Variants in ACSF3 observed in about 807,000 individuals in gnomAD.
ACSF3 encodes malonate--CoA ligase ACSF3, mitochondrial.
In ACSF3, 78 loss-of-function variants were observed where a neutral mutation model predicts 53.2. The ratio of observed to expected loss-of-function variants is 1.47; its 90% confidence interval spans 1.22 to 1.77. ACSF3 has a LOEUF of 1.77. Ranked by LOEUF, ACSF3 falls within the 40% of genes most tolerant of loss-of-function variation. ACSF3 has a pLI of 0.00. For synonymous variants in ACSF3, 414 were observed against 333.1 expected (o/e 1.24, Z -2.65); for missense variants, 937 against 771.1 (o/e 1.22, Z -2.55).
intron 10 of ACSF3, chr16:89,150,159 T>C (rs1365244806): frequency 6.6e-6 from 1 of 152,380 alleles, no homozygotes; most frequent in East Asian, 1.9e-4. Context: ...GTCTCTGTTC[T>C]GTTCCCTCTC....
At chr16:89,126,694 G>A (rs1393633154) in intron 7 of ACSF3, among the ~76,000 whole-genome samples, 2 of 152,204 alleles carry the variant, frequency 1.3e-5, no homozygotes, top group Non-Finnish European at 2.9e-5. Context: ...CTAGTTTTAG[G>A]AGATTTTAAT....
At chr16:89,144,816 A>C (rs535717723) in intron 8 of ACSF3, among the ~76,000 whole-genome samples, 10 of 152,310 alleles carry the variant, frequency 6.6e-5, no homozygotes, top group African/African-American at 2.4e-4. Flanking sequence ...GTTGCTCAGA[A>C]AAGGCCACGC....
rs1171418321 is a variant in ACSF3 at position 89,154,573 on chromosome 16, C to T, written c.*366C>T. The T allele has an allele frequency of 6.9e-6, 3 of 433,380 alleles. No individual in the cohort carries two copies. Among genetic ancestry groups the T allele is most frequent in the African/African-American group, 2.3e-5 (1 of 42,580 alleles). 26.8% of individuals were successfully genotyped at this position (433,380 alleles called of 1,614,324 possible). ...AGGTTTCCCACAAAAAACAAAGACT[C>T]CACTGGAGGAAACAAGCCCCTGTCC... On this transcript the variant is annotated 3_prime_UTR_variant, in exon 11 of 11. Coordinates refer to ENST00000614302, the MANE Select transcript of ACSF3 (RefSeq NM_001243279.3).
intron 6 of ACSF3, among the ~76,000 whole-genome samples, chr16:89,119,730 A>G (rs11860237): frequency 0.75 from 114,509 of 151,992 alleles, 43,619 homozygotes; most frequent in Non-Finnish European, 0.8. Context: ...CGCACACCAC[A>G]CTAGCCCGGC....
intron 1 of ACSF3, among the ~76,000 whole-genome samples, chr16:89,096,103 T>C (rs1205910140): frequency 6.6e-6 from 1 of 152,112 alleles, no homozygotes; most frequent in Non-Finnish European, 1.5e-5. Context: ...GTGGTTCCAG[T>C]ACGCCTTCAC....
chr16:89,152,931 T>C (rs1218369606), intron 10 of ACSF3: 1 of 151,882 alleles, frequency 6.6e-6, no homozygotes, highest in African/African-American at 2.4e-5. Flanking sequence ...GAGGTCGAGG[T>C]TGACAGCGAC....
intron 7 of ACSF3, among the ~76,000 whole-genome samples, chr16:89,132,364 A>G (rs1281135955): frequency 6.6e-6 from 1 of 152,150 alleles, no homozygotes; most frequent in African/African-American, 2.4e-5. Flanking sequence ...CTCCTGACCT[A>G]TGAGCCGAGG....
intron 7 of ACSF3, among the ~76,000 whole-genome samples, chr16:89,125,698 A>AAGAGAGAG (rs56085364): frequency 0.33 from 49,302 of 147,690 alleles, 8,773 homozygotes; most frequent in Middle Eastern, 0.45. Flanking sequence ...CAAAAAAAAA[A>AAGAGAGAG]AGAGAGAGAG....
intron 7 of ACSF3, among the ~76,000 whole-genome samples, chr16:89,124,947 A>C (rs4782326): frequency 1.4e-4 from 21 of 152,138 alleles, no homozygotes; most frequent in Non-Finnish European, 1.2e-4. Flanking sequence ...ACACCACATT[A>C]TCTTGACTGT....
intron 4 of ACSF3, among the ~76,000 whole-genome samples, chr16:89,104,167 C>G (rs952574973): frequency 6.6e-6 from 1 of 152,234 alleles, no homozygotes; most frequent in South Asian, 2.1e-4. Context: ...GCAGAGCCCT[C>G]CGGTGAGGCC....
intron 7 of ACSF3, among the ~76,000 whole-genome samples, chr16:89,124,230 C>A (rs946405685): frequency 1.3e-5 from 2 of 152,168 alleles, no homozygotes; most frequent in African/African-American, 4.8e-5. Flanking sequence ...ATGGAAACCC[C>A]AGAAGTCAAT....
chr16:89,124,445 T>TA (rs1567716915), intron 7 of ACSF3, among the ~76,000 whole-genome samples: 1 of 150,958 alleles, frequency 6.6e-6, no homozygotes, highest in Admixed American at 6.6e-5. Flanking sequence ...ATGTGTGTGA[T>TA]ACCCGTGCGT....
At chr16:89,139,032 C>G (rs1374846560) in intron 8 of ACSF3, among the ~76,000 whole-genome samples, 1 of 152,230 alleles carries the variant, frequency 6.6e-6, no homozygotes, top group Non-Finnish European at 1.5e-5. Context: ...CTCCAGGCTC[C>G]TTTTTGCTGC....
intron 6 of ACSF3, chr16:89,114,843 G>A (rs1416516679): frequency 2.7e-6 from 1 of 370,742 alleles, no homozygotes; most frequent in African/African-American, 2.1e-5. Context: ...ATCAGCAGTG[G>A]TGGCAGCCTC....
At chr16:89,132,873 G>A (rs1029463828) in intron 7 of ACSF3, among the ~76,000 whole-genome samples, 4 of 152,276 alleles carry the variant, frequency 2.6e-5, no homozygotes, top group African/African-American at 7.2e-5. Flanking sequence ...TTCTGTGGCT[G>A]TTCTGGGAGG....
intron 7 of ACSF3, among the ~76,000 whole-genome samples, chr16:89,125,698 AAG>A (rs56085364): frequency 1.5e-4 from 22 of 147,972 alleles, no homozygotes; most frequent in Middle Eastern, 3.5e-3. Flanking sequence ...CAAAAAAAAA[AAG>A]AGAGAGAGAG....
rs774653104 is a variant in ACSF3 at position 89,136,658 on chromosome 16, C to T, written c.1366+3396C>T. ...AGGCCGGCCTGCAGCTCCCCAACGGCCTCCTCCGGGTCAGGATGAGAGGAG... is the reference window on the plus strand; with the variant it reads ...AGGCCGGCCTGCAGCTCCCCAACGGTCTCCTCCGGGTCAGGATGAGAGGAG... On this transcript the variant is annotated intron_variant, in intron 8 of 10. Transcript: ENST00000614302. The T allele has an allele frequency of 7.0e-6, 9 of 1,287,110 alleles. No homozygotes were observed. In the East Asian group the frequency reaches 5.0e-4, roughly 71 times the overall value. The allele number at this position is 1,287,110 out of a possible 1,614,324, so 79.7% of individuals were successfully genotyped here. A position where few individuals can be genotyped will look rare whatever the true frequency, so the allele number is the denominator to read the frequency against.
rs780845520 is a variant in ACSF3 at position 89,145,405 on chromosome 16, C to T, written c.1501+4C>T. On this transcript the variant is annotated splice_donor_region_variant and intron_variant, in intron 9 of 10. Transcript: ENST00000614302. ...CTGGCCCACCCCAGCATCACAGGTGCGTGGCCGGACTTGGGCCAGGGAGGC... is the reference window on the plus strand; with the variant it reads ...CTGGCCCACCCCAGCATCACAGGTGTGTGGCCGGACTTGGGCCAGGGAGGC... The T allele has an allele frequency of 1.1e-5, 17 of 1,613,978 alleles. No individual in the cohort carries two copies. Among genetic ancestry groups the T allele is most frequent in the South Asian group, 8.8e-5 (8 of 91,084 alleles).
In ACSF3 at chr16:89,155,328, A is replaced by T. The variant is rs779711693; in HGVS notation, c.*1121A>T. On this transcript the variant is annotated 3_prime_UTR_variant, in exon 11 of 11. Coordinates refer to ENST00000614302, the MANE Select transcript of ACSF3 (RefSeq NM_001243279.3). ...GTGGCCAGAAACGAGTGTGCCGGGC[A>T]GGAGGCCAGCCCCATCTCAGGCTCA... 4.4e-6 allele frequency: 2 copies of T among 453,012 alleles called. No homozygotes were observed. The highest frequency in any genetic ancestry group is 3.1e-5 in the South Asian group (2 of 64,474). 28.1% of individuals were successfully genotyped at this position (453,012 alleles called of 1,614,324 possible).
Sources: allele counts gnomAD v4.1 joint callset (sites outside exome capture counted in the v4.1 genomes callset), GRCh38; gene constraint gnomAD v4.1.1; transcripts MANE v1.5; gene names NCBI Gene and HGNC (gene_info 2026-07-23, HGNC 2026-07-21).